The following MCTP1 variants were observed in gnomAD, a reference collection of about 807,000 sequenced individuals.
MCTP1 encodes multiple C2 and transmembrane domain containing 1, also known as multiple C2 and transmembrane domain-containing protein 1.
MCTP1 carries 69 observed loss-of-function variants against 120.6 expected under a neutral mutation model. The ratio of observed to expected loss-of-function variants is 0.57; its 90% CI spans 0.47 to 0.70. MCTP1 has a LOEUF of 0.70. Among genes scored for constraint, MCTP1 ranks in the 30% least tolerant of loss-of-function variants. The pLI, the probability that MCTP1 is intolerant of heterozygous loss-of-function variation, is 0.00. For missense variants in MCTP1, 1,203 were observed against 1,248.8 expected, an observed-to-expected ratio of 0.96 and a Z score of 0.55; for synonymous variants, 529 against 493.1, an observed-to-expected ratio of 1.07 and a Z score of -0.96.
At chr5:94,783,158 A>G (rs143568083) in intron 18 of MCTP1, among the ~76,000 whole-genome samples, 15 of 152,238 alleles carry the variant, frequency 9.9e-5, no homozygotes, top group African/African-American at 3.4e-4. Flanking sequence ...ACTAATAAAG[A>G]TGACATTTAA....
At chr5:95,139,450 T>C (rs1449677305) in intron 1 of MCTP1, among the ~76,000 whole-genome samples, 1 of 152,240 alleles carries the variant, frequency 6.6e-6, no homozygotes, top group African/African-American at 2.4e-5. Flanking sequence ...GAGAGCAAGA[T>C]TTGCCTGTTG....
chr5:95,266,518 T>A (rs75804334), intron 1 of MCTP1, among the ~76,000 whole-genome samples: 163 of 152,342 alleles, frequency 1.1e-3, no homozygotes, highest in African/African-American at 3.8e-3. Flanking sequence ...GTATAATGTT[T>A]ACTTGGTCAT....
intron 3 of MCTP1, among the ~76,000 whole-genome samples, chr5:94,950,220 A>G (rs910825118): frequency 2.0e-5 from 3 of 152,174 alleles, no homozygotes; most frequent in South Asian, 2.1e-4. Flanking sequence ...TATGATTTCT[A>G]TTTAACTTAA....
chr5:94,889,833 A>T (rs1014855791), intron 11 of MCTP1, among the ~76,000 whole-genome samples: 85 of 151,566 alleles, frequency 5.6e-4, no homozygotes, highest in Non-Finnish European at 3.4e-4. Context: ...CTGAAAGAAT[A>T]AAAAAAACAC....
chr5:94,818,279 A>C (rs1784900984), intron 17 of MCTP1, among the ~76,000 whole-genome samples: 1 of 152,204 alleles, frequency 6.6e-6, no homozygotes, highest in Admixed American at 6.5e-5. Flanking sequence ...ACACATACAA[A>C]AGTAAGTAAA....
chr5:94,882,982 AC>A (rs1800452558), intron 12 of MCTP1, among the ~76,000 whole-genome samples: 1 of 152,192 alleles, frequency 6.6e-6, no homozygotes, highest in Admixed American at 6.5e-5. Flanking sequence ...ATATTTGATA[AC>A]AACTCTTTGG....
chr5:94,932,103 T>C (rs1038418578), intron 5 of MCTP1, 112 bp from the exon 6 acceptor site: 2 of 677,796 alleles, frequency 3.0e-6, no homozygotes, highest in Non-Finnish European at 5.1e-6. Context: ...GAACAGTTCC[T>C]GCAGCAATTA....
At chr5:95,141,477 T>C (rs978448939) in intron 1 of MCTP1, among the ~76,000 whole-genome samples, 2 of 152,212 alleles carry the variant, frequency 1.3e-5, no homozygotes, top group Non-Finnish European at 2.9e-5. Flanking sequence ...TCTGGCTCAA[T>C]TTAGGTCACT....
At chr5:95,046,011 T>C (rs958856999) in intron 1 of MCTP1, among the ~76,000 whole-genome samples, 59 of 152,114 alleles carry the variant, frequency 3.9e-4, no homozygotes, top group Non-Finnish European at 5.3e-4. Flanking sequence ...AATGAGTTCA[T>C]AATTGAAAGT....
intron 2 of MCTP1, among the ~76,000 whole-genome samples, chr5:94,971,484 A>G (rs567592438): frequency 7.2e-5 from 11 of 152,238 alleles, no homozygotes; most frequent in Admixed American, 3.9e-4. Context: ...GAAGTGTTTT[A>G]ATTTCTGAAT....
intron 1 of MCTP1, among the ~76,000 whole-genome samples, chr5:95,092,162 T>C (rs949110160): frequency 6.6e-6 from 1 of 152,036 alleles, no homozygotes; most frequent in Non-Finnish European, 1.5e-5. Context: ...GGTTTTATGG[T>C]TTTTTTTGTT....
intron 1 of MCTP1, among the ~76,000 whole-genome samples, chr5:95,139,423 T>A (rs1759723884): frequency 1.3e-5 from 2 of 152,220 alleles, no homozygotes. Context: ...CCATGTCAAA[T>A]GAAAATGAGT....
intron 1 of MCTP1, among the ~76,000 whole-genome samples, chr5:95,115,856 A>G (rs1757791861): frequency 6.6e-6 from 1 of 152,182 alleles, no homozygotes; most frequent in African/African-American, 2.4e-5. Context: ...CCCAAAGATC[A>G]TGGGTAAAGA....
chr5:95,029,311 G>A (rs183030178), intron 1 of MCTP1, among the ~76,000 whole-genome samples: 7 of 152,194 alleles, frequency 4.6e-5, no homozygotes, highest in Non-Finnish European at 2.9e-5. Flanking sequence ...CCTAGTTATG[G>A]TATTAAATTG....
intron 1 of MCTP1, among the ~76,000 whole-genome samples, chr5:95,143,547 C>T (rs1473031935): frequency 6.6e-6 from 1 of 152,004 alleles, no homozygotes; most frequent in East Asian, 1.9e-4. Context: ...TTCAGCCCAT[C>T]TTCCCCTCCC....
intron 1 of MCTP1, among the ~76,000 whole-genome samples, chr5:95,250,299 C>A (rs1356222667): frequency 6.6e-6 from 1 of 152,078 alleles, no homozygotes; most frequent in Non-Finnish European, 1.5e-5. Flanking sequence ...TCTGCATCGC[C>A]CCATGGGACT....
intron 2 of MCTP1, among the ~76,000 whole-genome samples, chr5:94,961,014 A>G (rs1824002288): frequency 6.6e-6 from 1 of 152,198 alleles, no homozygotes; most frequent in Admixed American, 6.5e-5. Context: ...AAAGACTTAG[A>G]ACCAACCCAA....
intron 3 of MCTP1, among the ~76,000 whole-genome samples, chr5:94,951,881 G>T (rs1047234121): frequency 6.6e-6 from 1 of 151,972 alleles, no homozygotes; most frequent in Non-Finnish European, 1.5e-5. Flanking sequence ...GTTCAAAAAC[G>T]CTATTTAAGG....
intron 18 of MCTP1, chr5:94,792,276 C>T (rs1779148842): frequency 6.6e-6 from 1 of 152,656 alleles, no homozygotes; most frequent in Non-Finnish European, 1.5e-5. Context: ...TGTGCCATTC[C>T]CACACACGCT....
Sources: allele counts gnomAD v4.1 joint callset (sites outside exome capture counted in the v4.1 genomes callset), GRCh38; gene constraint gnomAD v4.1.1; transcripts MANE v1.5; gene names NCBI Gene and HGNC (gene_info 2026-07-23, HGNC 2026-07-21).